The following DKK2 variants were observed in gnomAD, a reference collection of about 807,000 sequenced individuals.
The protein encoded by DKK2 is dickkopf Wnt signaling pathway inhibitor 2.
DKK2 carries 11 observed loss-of-function variants against 28.1 expected under a neutral mutation model. The ratio of observed to expected loss-of-function variants is 0.39; its 90% confidence interval spans 0.25 to 0.65. The LOEUF (loss-of-function observed/expected upper bound fraction) is 0.65, where lower values mean the gene tolerates loss of function less well. Among genes scored for constraint, DKK2 ranks in the 30% least tolerant of loss-of-function variants. The probability of loss-of-function intolerance (pLI) is 0.47; values close to 1 mark genes in which losing one functional copy is unlikely to be tolerated. For missense variants in DKK2, 326 were observed against 335.5 expected (o/e 0.97, Z 0.22); for synonymous variants, 135 against 126.5 (o/e 1.07, Z -0.45).
At chr4:106,983,368 G>GAAAGAAAGAAAGA (rs35298593) in intron 1 of DKK2, among the ~76,000 whole-genome samples, 4,191 of 92,670 alleles carry the variant, frequency 0.045, 100 homozygotes, top group Admixed American at 0.066. Context: ...AAGAAAGAAA[G>GAAAGAAAGAAAGA]AAGAAAGAAA....
At chr4:107,018,290 C>T (rs546027135) in intron 1 of DKK2, among the ~76,000 whole-genome samples, 55 of 152,142 alleles carry the variant, frequency 3.6e-4, no homozygotes, top group South Asian at 1.7e-3. Context: ...TGTGTCAGAC[C>T]GGCCCAGCTG....
chr4:106,996,815 A>G (rs535218547), intron 1 of DKK2, among the ~76,000 whole-genome samples: 1 of 152,238 alleles, frequency 6.6e-6, no homozygotes, highest in South Asian at 2.1e-4. Flanking sequence ...AACTCTGAAA[A>G]CCTAATTTTA....
At chr4:107,009,247 G>T (rs1723482129) in intron 1 of DKK2, among the ~76,000 whole-genome samples, 1 of 151,766 alleles carries the variant, frequency 6.6e-6, no homozygotes, top group African/African-American at 2.4e-5. Flanking sequence ...TTTATAACAT[G>T]ATCTTTCTTT....
At chr4:107,013,591 GA>G (rs775293354) in intron 1 of DKK2, among the ~76,000 whole-genome samples, 5 of 151,170 alleles carry the variant, frequency 3.3e-5, no homozygotes, top group Non-Finnish European at 5.9e-5. Context: ...AAACCACCAG[GA>G]AAAAATGCAG....
intron 1 of DKK2, among the ~76,000 whole-genome samples, chr4:107,021,239 G>T (rs1723687099): frequency 6.6e-6 from 1 of 151,816 alleles, no homozygotes; most frequent in Non-Finnish European, 1.5e-5. Flanking sequence ...TTTGTTCATG[G>T]AAACAACAAA....
At chr4:106,952,390 A>G (rs984426278) in intron 1 of DKK2, among the ~76,000 whole-genome samples, 2 of 152,112 alleles carry the variant, frequency 1.3e-5, no homozygotes, top group African/African-American at 4.8e-5. Flanking sequence ...TTTCAGCTAT[A>G]CTGATATCAC....
chr4:106,937,074 C>G (rs1427668165), intron 1 of DKK2, among the ~76,000 whole-genome samples: 1 of 151,964 alleles, frequency 6.6e-6, no homozygotes, highest in East Asian at 1.9e-4. Flanking sequence ...AGCAAAATAA[C>G]CAGCTAACAT....
intron 1 of DKK2, among the ~76,000 whole-genome samples, chr4:106,991,345 C>T (rs979603067): frequency 9.2e-5 from 14 of 152,044 alleles, no homozygotes; most frequent in African/African-American, 2.2e-4. Context: ...CAGTAGAAAT[C>T]GAGGTTTTCA....
chr4:106,974,817 G>A (rs755719964), intron 1 of DKK2, among the ~76,000 whole-genome samples: 1 of 152,080 alleles, frequency 6.6e-6, no homozygotes, highest in African/African-American at 2.4e-5. Context: ...CTTTTCTTGT[G>A]CCGGTTTTCA....
At chr4:107,010,840 TA>T (rs925713505) in intron 1 of DKK2, among the ~76,000 whole-genome samples, 90 of 150,800 alleles carry the variant, frequency 6.0e-4, no homozygotes, top group Admixed American at 9.9e-4. Flanking sequence ...TATTAGAAAA[TA>T]AAAAAAATTA....
chr4:106,976,835 G>C (rs1333572427), intron 1 of DKK2, among the ~76,000 whole-genome samples: 1 of 152,176 alleles, frequency 6.6e-6, no homozygotes, highest in Non-Finnish European at 1.5e-5. Context: ...TCAAAGGGTC[G>C]ATGGTCTTTA....
In DKK2 at chr4:107,029,939, T is replaced by C. The variant is rs548104163; in HGVS notation, c.222+5431A>G. ...TTTTTTTAAAAATTGACTACTTTTGTATTTTTGCTGATTTTATTTCTGAAT... is the reference window on the plus strand; with the variant it reads ...TTTTTTTAAAAATTGACTACTTTTGCATTTTTGCTGATTTTATTTCTGAAT... On this transcript the variant is annotated intron_variant, in intron 1 of 3. Coordinates refer to ENST00000285311, the MANE Select transcript of DKK2 (RefSeq NM_014421.3). Among the ~76,000 whole-genome samples, 6 of 152,278 alleles carry C rather than the reference T, an allele frequency of 3.9e-5. No individual in the cohort carries two copies. The South Asian group carries it at 6.2e-4, about 16-fold the overall frequency.
chr4:107,035,220 G>A (rs975015938), intron 1 of DKK2, 150 bp downstream of exon 1: 6 of 900,392 alleles, frequency 6.7e-6, no homozygotes, highest in Non-Finnish European at 8.5e-6. Context: ...CGCCCACGCA[G>A]ACCCTGTTCG....
rs75921228 is a variant in DKK2 at position 106,993,605 on chromosome 4, G to C, written c.222+41765C>G. ...AAGCTCTTAGTGATCACTGCTCTGAGCTGCCAAAATAGGCAAACTAGATTT... is the reference window on the plus strand; with the variant it reads ...AAGCTCTTAGTGATCACTGCTCTGACCTGCCAAAATAGGCAAACTAGATTT... On this transcript the variant is annotated intron_variant, in intron 1 of 3. Transcript: ENST00000285311. Among the ~76,000 whole-genome samples, 3 of 152,134 alleles carry C rather than the reference G, an allele frequency of 2.0e-5. No individual in the cohort carries two copies. The East Asian group carries it at 5.8e-4, about 29-fold the overall frequency.
chr4:106,992,559 G>T (rs1257052151), intron 1 of DKK2, among the ~76,000 whole-genome samples: 1 of 152,158 alleles, frequency 6.6e-6, no homozygotes, highest in Admixed American at 6.5e-5. Context: ...AATAAATATG[G>T]GTTGTGCTGG....
intron 1 of DKK2, among the ~76,000 whole-genome samples, chr4:106,947,632 G>A (rs1724797224): frequency 6.6e-6 from 1 of 151,186 alleles, no homozygotes; most frequent in Non-Finnish European, 1.5e-5. Flanking sequence ...AGTGAGTTGG[G>A]TAGGCTTTAA....
chr4:106,962,589 C>G (rs1396833162), intron 1 of DKK2, among the ~76,000 whole-genome samples: 1 of 144,250 alleles, frequency 6.9e-6, no homozygotes, highest in Non-Finnish European at 1.5e-5. Context: ...CCATCTCTCA[C>G]CATCTACAAA....
At chr4:106,974,428 T>C (rs1482945698) in intron 1 of DKK2, among the ~76,000 whole-genome samples, 1 of 152,166 alleles carries the variant, frequency 6.6e-6, no homozygotes, top group Non-Finnish European at 1.5e-5. Context: ...CAGCAGTGGT[T>C]TGTAGTTCTC....
chr4:106,943,425 C>CA lies in DKK2; in HGVS notation c.223-17477dup, dbSNP rs1157370309. ...TTGGAAGTTTGTAGCATTAAATTGACAAAAATACTCAATTAAGAACCCATC... is the reference window on the plus strand; with the variant it reads ...TTGGAAGTTTGTAGCATTAAATTGACAAAAAATACTCAATTAAGAACCCATC... On this transcript the variant is annotated intron_variant, in intron 1 of 3. Coordinates refer to ENST00000285311, the MANE Select transcript of DKK2 (RefSeq NM_014421.3). 3.9e-5 allele frequency among the ~76,000 whole-genome samples: 6 copies of CA among 152,012 alleles called. No homozygotes were observed. In the South Asian group the frequency reaches 8.3e-4, roughly 21 times the overall value.
Sources: gnomAD v4.1 joint callset for allele counts (sites outside exome capture counted in the v4.1 genomes callset) on GRCh38, gnomAD v4.1.1 for gene constraint, MANE v1.5 for transcripts, NCBI Gene and HGNC (gene_info 2026-07-23, HGNC 2026-07-21) for gene names.